The following HDAC4 variants were observed in gnomAD, a reference collection of about 807,000 sequenced individuals.
The protein encoded by HDAC4 is histone deacetylase A.
HDAC4 carries 16 observed loss-of-function variants against 135.1 expected under a neutral mutation model. The ratio of observed to expected loss-of-function variants is 0.12; its 90% CI spans 0.08 to 0.18. The LOEUF (loss-of-function observed/expected upper bound fraction) is 0.18. Ranked by LOEUF, HDAC4 falls within the 10% of genes least tolerant of loss-of-function variation. The probability of loss-of-function intolerance (pLI) is 1.00; values close to 1 mark genes in which losing one functional copy is unlikely to be tolerated. For missense variants in HDAC4, 1,143 were observed against 1,511.8 expected, an observed-to-expected ratio of 0.76 and a Z score of 4.05; for synonymous variants, 685 against 653.4, an observed-to-expected ratio of 1.05 and a Z score of -0.74.
chr2:239,235,307 G>A (rs2047823360), intron 3 of HDAC4, among the ~76,000 whole-genome samples: 1 of 152,168 alleles, frequency 6.6e-6, no homozygotes, highest in South Asian at 2.1e-4. Flanking sequence ...AAACCTGGCC[G>A]ACTTGGAAGA....
rs534929983 is a variant in HDAC4 at position 239,119,879 on chromosome 2, C to T, written c.1534-4569G>A. On this transcript the variant is annotated intron_variant, in intron 12 of 26. Transcript: ENST00000543185. ...AGCGACTGCACAGAGGCAGCAGGGC[C>T]GGGCAGAGGCTGGCACAGAGGCTGG... 7.2e-5 allele frequency among the ~76,000 whole-genome samples: 11 copies of T among 152,292 alleles called. No homozygotes were observed. The South Asian group carries it at 1.2e-3, about 17-fold the overall frequency.
intron 1 of HDAC4, among the ~76,000 whole-genome samples, chr2:239,365,144 A>G (rs1238398750): frequency 6.6e-6 from 1 of 152,240 alleles, no homozygotes; most frequent in African/African-American, 2.4e-5. Context: ...ACTCCTGTCT[A>G]TACAGTGAGT....
intron 12 of HDAC4, among the ~76,000 whole-genome samples, chr2:239,120,996 ATTTC>A (rs1173532313): frequency 9.6e-6 from 1 of 104,330 alleles, no homozygotes; most frequent in Non-Finnish European, 1.8e-5. Flanking sequence ...TTTCCTTTAA[ATTTC>A]TTTTTTTTTT....
At chr2:239,388,346 C>T (rs1057221976) in intron 1 of HDAC4, among the ~76,000 whole-genome samples, 1 of 152,240 alleles carries the variant, frequency 6.6e-6, no homozygotes, top group African/African-American at 2.4e-5. Context: ...TCCCAAAGCA[C>T]ATTCCTTCTA....
At chr2:239,220,007 C>A (rs1378131342) in intron 3 of HDAC4, among the ~76,000 whole-genome samples, 2 of 152,226 alleles carry the variant, frequency 1.3e-5, no homozygotes, top group African/African-American at 2.4e-5. Flanking sequence ...CTTCAGCCAA[C>A]AGATAGGCCT....
intron 21 of HDAC4, 96 bp downstream of exon 21, chr2:239,082,006 T>C (rs2035382747): frequency 1.4e-6 from 2 of 1,380,182 alleles, no homozygotes; most frequent in Admixed American, 3.4e-5. Context: ...CCGCACTCAC[T>C]GCTGCCGGGC....
At chr2:239,371,503 A>G (rs141490354) in intron 1 of HDAC4, among the ~76,000 whole-genome samples, 1 of 152,306 alleles carries the variant, frequency 6.6e-6, no homozygotes, top group East Asian at 1.9e-4. Flanking sequence ...ACAAACATGC[A>G]TGCTCACACA....
At chr2:239,267,544 A>G (rs1416350440) in intron 2 of HDAC4, among the ~76,000 whole-genome samples, 3 of 152,280 alleles carry the variant, frequency 2.0e-5, no homozygotes, top group African/African-American at 7.2e-5. Flanking sequence ...ACAGCTATAG[A>G]GAGTTGTACA....
chr2:239,383,012 G>T (rs1216833571), intron 1 of HDAC4, among the ~76,000 whole-genome samples: 4 of 152,152 alleles, frequency 2.6e-5, no homozygotes, highest in Non-Finnish European at 5.9e-5. Context: ...TTACAGGCGT[G>T]AGCAACAGCT....
chr2:239,394,180 T>G (rs1296927457), intron 1 of HDAC4, among the ~76,000 whole-genome samples: 3 of 152,216 alleles, frequency 2.0e-5, no homozygotes, highest in Admixed American at 2.0e-4. Context: ...AGAACTGATT[T>G]ATTGTTTCAA....
chr2:239,127,625 G>T (rs1016487367), intron 11 of HDAC4, among the ~76,000 whole-genome samples: 1 of 152,200 alleles, frequency 6.6e-6, no homozygotes, highest in African/African-American at 2.4e-5. Context: ...ACCCTGACCC[G>T]CTCAAGGGCA....
intron 24 of HDAC4, among the ~76,000 whole-genome samples, chr2:239,056,825 C>G (rs1186093742): frequency 1.3e-5 from 2 of 152,230 alleles, no homozygotes; most frequent in Admixed American, 1.3e-4. Flanking sequence ...GTGAGCCGTG[C>G]TGGCAGCACA....
intron 10 of HDAC4, 35 bp downstream of exon 10, chr2:239,134,492 C>T (rs1490476986): frequency 4.3e-6 from 7 of 1,612,718 alleles, no homozygotes; most frequent in African/African-American, 1.3e-5. Flanking sequence ...ATCACCACCA[C>T]CCCACACCAC....
intron 1 of HDAC4, among the ~76,000 whole-genome samples, chr2:239,391,974 G>A (rs1401836844): frequency 1.3e-5 from 2 of 152,224 alleles, no homozygotes; most frequent in African/African-American, 4.8e-5. Context: ...GAGGGACCGC[G>A]GGAAGCACTG....
chr2:239,192,620 C>T (rs3791566), intron 3 of HDAC4, among the ~76,000 whole-genome samples: 13,434 of 152,186 alleles, frequency 0.088, 624 homozygotes, highest in East Asian at 0.12. Flanking sequence ...ACAAGCACGG[C>T]GGTGCTAAAT....
intron 2 of HDAC4, among the ~76,000 whole-genome samples, chr2:239,255,516 T>TTG (rs2049003443): frequency 6.6e-6 from 1 of 152,212 alleles, no homozygotes; most frequent in Admixed American, 6.5e-5. Flanking sequence ...TCTGAGTCCT[T>TTG]TGTCTTTATT....
Position 239,105,592 on chromosome 2 carries a change from C to G in HDAC4, c.2112+2458G>C, listed in dbSNP as rs547306361. On this transcript the variant is annotated intron_variant, in intron 15 of 26. Coordinates refer to ENST00000543185, the MANE Select transcript of HDAC4 (RefSeq NM_001378414.1). ...AGCCCACTCTCATCCTTCCTCACCACGCGAAGCCAACTCAGCAGTGTGAGG... is the reference window on the plus strand; with the variant it reads ...AGCCCACTCTCATCCTTCCTCACCAGGCGAAGCCAACTCAGCAGTGTGAGG... Among the ~76,000 whole-genome samples, 4 of 152,300 alleles carry G rather than the reference C, an allele frequency of 2.6e-5. No individual in the cohort carries two copies. The South Asian group carries it at 8.3e-4, about 32-fold the overall frequency.
At chr2:239,169,157 T>C (rs1265480132) in intron 5 of HDAC4, among the ~76,000 whole-genome samples, 4 of 152,230 alleles carry the variant, frequency 2.6e-5, no homozygotes, top group Non-Finnish European at 5.9e-5. Context: ...GTTGGTTAGT[T>C]GTGGCACAAA....
In HDAC4 at chr2:239,069,972, G is replaced by A. The variant is rs145681561; in HGVS notation, c.2751-1365C>T. Among the ~76,000 whole-genome samples the A allele has an allele frequency of 2.5e-3, 344 of 140,094 alleles. 3 individuals carry two copies. Among genetic ancestry groups the A allele is most frequent in the African/African-American group, 8.1e-3 (313 of 38,444 alleles). 91.9% of individuals were successfully genotyped at this position (140,094 alleles called of 152,430 possible). On this transcript the variant is annotated intron_variant, in intron 22 of 26. Transcript: ENST00000543185. ...CCCACTAACACCCCTCCTTGGCCCC[G>A]TGCCCACCCACCCTGGCCCTGTCCC...
Sources: gnomAD v4.1 joint callset for allele counts (sites outside exome capture counted in the v4.1 genomes callset) on GRCh38, gnomAD v4.1.1 for gene constraint, MANE v1.5 for transcripts, NCBI Gene and HGNC (gene_info 2026-07-23, HGNC 2026-07-21) for gene names.